The following CHST8 variants were observed in gnomAD, a reference collection of about 807,000 sequenced individuals.
The protein encoded by CHST8 is carbohydrate sulfotransferase 8.
CHST8 carries 10 observed loss-of-function variants against 15.0 expected under a neutral mutation model. The observed-to-expected ratio is 0.67, with a 90% confidence interval of 0.41 to 1.13. CHST8 has a LOEUF of 1.13. Among genes scored for constraint, CHST8 ranks in the 50% most tolerant of loss-of-function variants. CHST8 has a pLI of 0.00. For synonymous variants in CHST8, 259 were observed against 256.6 expected, an observed-to-expected ratio of 1.01 and a Z score of -0.09; for missense variants, 634 against 608.2, an observed-to-expected ratio of 1.04 and a Z score of -0.45.
At chr19:33,680,208 C>T (rs1972867285) in intron 2 of CHST8, among the ~76,000 whole-genome samples, 1 of 152,222 alleles carries the variant, frequency 6.6e-6, no homozygotes, top group Non-Finnish European at 1.5e-5. Context: ...TGTGTGAAAG[C>T]TAAATGGGAT....
rs147260941 is a variant in CHST8, at chr19:33,701,926, C to T, written c.130+12535C>T. Among the ~76,000 whole-genome samples, 993 of 152,258 alleles carry T rather than the reference C, an allele frequency of 6.5e-3. 8 individuals are homozygous for T. The highest frequency in any genetic ancestry group is 9.4e-3 in the Non-Finnish European group (638 of 68,012). ...TGCCTGATTCCAAAGCCTGTGCTCC[C>T]CCTTCTCTGTCCTTCTTTCCTTTTG... is the stretch of plus-strand genomic sequence containing the variant. On this transcript the variant is annotated intron_variant, in intron 3 of 4. Coordinates refer to ENST00000650847, the MANE Select transcript of CHST8 (RefSeq NM_001127895.2).
At chr19:33,639,038 G>A (rs548332952) in intron 1 of CHST8, among the ~76,000 whole-genome samples, 13 of 148,152 alleles carry the variant, frequency 8.8e-5, no homozygotes, top group South Asian at 2.2e-4. Context: ...TGGCTTGCAG[G>A]TGACAGGAGC....
chr19:33,722,085 AT>A (rs1169111804), intron 3 of CHST8, among the ~76,000 whole-genome samples: 1 of 148,436 alleles, frequency 6.7e-6, no homozygotes, highest in Non-Finnish European at 1.5e-5. Context: ...GGATGGATGG[AT>A]GGATGGATGG....
At chr19:33,641,250 C>T (rs1203318274) in intron 1 of CHST8, among the ~76,000 whole-genome samples, 2 of 152,220 alleles carry the variant, frequency 1.3e-5, no homozygotes, top group African/African-American at 4.8e-5. Flanking sequence ...AGGGACTTAC[C>T]TGTTCCTAAA....
Position 33,773,422 on chromosome 19 carries a change from A to C in CHST8, c.*359A>C. ...ACTCCCTTAGCCATTGCCTTGGACC[A>C]AACCACGTGGTTTGCAGCTTTTCTA... is the stretch of plus-strand genomic sequence containing the variant. On this transcript the variant is annotated 3_prime_UTR_variant, in exon 5 of 5. Coordinates refer to ENST00000650847, the MANE Select transcript of CHST8 (RefSeq NM_001127895.2). The C allele has an allele frequency of 3.9e-6, 1 of 256,766 alleles. No individual in the cohort carries two copies. Among genetic ancestry groups the C allele is most frequent in the Non-Finnish European group, 7.5e-6 (1 of 134,078 alleles). The allele number at this position is 256,766 out of a possible 1,614,324, so 15.9% of individuals were successfully genotyped here.
intron 3 of CHST8, among the ~76,000 whole-genome samples, chr19:33,706,759 G>A (rs1187679279): frequency 6.6e-6 from 1 of 152,222 alleles, no homozygotes; most frequent in Non-Finnish European, 1.5e-5. Context: ...CCAGCCAGAA[G>A]TAGCGGCAGT....
intron 2 of CHST8, among the ~76,000 whole-genome samples, chr19:33,686,934 T>A (rs1297220688): frequency 6.6e-6 from 1 of 152,236 alleles, no homozygotes; most frequent in African/African-American, 2.4e-5. Context: ...CCCATGACCG[T>A]GCAATAGCAG....
chr19:33,663,471 G>A (rs1381167458), intron 1 of CHST8, among the ~76,000 whole-genome samples: 2 of 152,116 alleles, frequency 1.3e-5, no homozygotes, highest in African/African-American at 2.4e-5. Context: ...GGGCCAAGGC[G>A]GGAGAATCAC....
chr19:33,661,867 CAAAAA>C lies in CHST8; in HGVS notation c.-163-5884_-163-5880del, dbSNP rs34236738. On this transcript the variant is annotated intron_variant, in intron 1 of 4. Coordinates refer to ENST00000650847, the MANE Select transcript of CHST8 (RefSeq NM_001127895.2). Reference sequence around the variant, plus strand: ...GCAACACAGGGAGATTTCATCTTTACAAAAAAAAAAAAAAAAAAAATAGGCGGGTA... The same window carrying C: ...GCAACACAGGGAGATTTCATCTTTACAAAAAAAAAAAAAAATAGGCGGGTA... Among the ~76,000 whole-genome samples the C allele has an allele frequency of 4.5e-3, 344 of 76,706 alleles. 1 individual carries two copies. Among genetic ancestry groups the C allele is most frequent in the Middle Eastern group, 0.022 (3 of 134 alleles). The allele number at this position is 76,706 out of a possible 152,430, so 50.3% of individuals were successfully genotyped here. A position where few individuals can be genotyped will look rare whatever the true frequency, so the allele number is the denominator to read the frequency against.
chr19:33,655,063 G>T (rs1420685654), intron 1 of CHST8, among the ~76,000 whole-genome samples: 1 of 152,156 alleles, frequency 6.6e-6, no homozygotes, highest in Non-Finnish European at 1.5e-5. Context: ...GTCTGACAGG[G>T]TCTGGCTCTG....
rs1009107994 is a variant in CHST8 at position 33,773,347 on chromosome 19, G to A, written c.*284G>A. On this transcript the variant is annotated 3_prime_UTR_variant, in exon 5 of 5. Coordinates refer to ENST00000650847, the MANE Select transcript of CHST8 (RefSeq NM_001127895.2). ...TCAGCCGACAGTTTTGATGAGCAGG[G>A]AAGTCTGAGGCCCAGAGGACGGGGG... 10 of 466,492 alleles carry A rather than the reference G, an allele frequency of 2.1e-5. No individual in the cohort carries two copies. The highest frequency in any genetic ancestry group is 2.0e-4 in the Admixed American group (5 of 25,460). 28.9% of individuals were successfully genotyped at this position (466,492 alleles called of 1,614,324 possible). A position where few individuals can be genotyped will look rare whatever the true frequency, so the allele number is the denominator to read the frequency against.
Position 33,771,989 on chromosome 19 carries a change from C to T in CHST8, c.201C>T (p.Asp67=). The T allele has an allele frequency of 6.3e-7, 1 of 1,585,062 alleles. No individual in the cohort carries two copies. The highest frequency in any genetic ancestry group is 8.6e-7 in the Non-Finnish European group (1 of 1,168,850). ...CACCAGGCGGCTCCCAGGATGGTGA[C>T]TTGAAGGAACCCACAGAGAGGGTCA... ...DLPPGGSQDG[D]LKEPTERVTR... Residue 67 remains aspartate, a synonymous_variant, in exon 5 of 5, where the codon GAC becomes GAT. Transcript: ENST00000650847.
chr19:33,765,810 C>G (rs1441970957), intron 3 of CHST8, among the ~76,000 whole-genome samples: 1 of 152,086 alleles, frequency 6.6e-6, no homozygotes, highest in Non-Finnish European at 1.5e-5. Flanking sequence ...ATCCACCTGC[C>G]GTAGCCTCCA....
At chr19:33,673,140 A>G (rs1002185405) in intron 2 of CHST8, among the ~76,000 whole-genome samples, 1 of 152,176 alleles carries the variant, frequency 6.6e-6, no homozygotes, top group Non-Finnish European at 1.5e-5. Flanking sequence ...GAGCTGGCCA[A>G]TGTCCGGGTG....
chr19:33,711,589 G>T (rs76126587), intron 3 of CHST8, among the ~76,000 whole-genome samples: 4 of 152,172 alleles, frequency 2.6e-5, no homozygotes. Context: ...GATACAAGAA[G>T]TAGTAGTAAG....
chr19:33,665,636 T>G (rs908938929), intron 1 of CHST8, among the ~76,000 whole-genome samples: 2 of 149,294 alleles, frequency 1.3e-5, no homozygotes, highest in African/African-American at 4.9e-5. Flanking sequence ...TCTTCAAAAC[T>G]GAAAAAAAAA....
Position 33,678,599 on chromosome 19 carries a change from AG to A in CHST8, c.-86-10575del, listed in dbSNP as rs113657289. Among the ~76,000 whole-genome samples the A allele has an allele frequency of 3.9e-5, 6 of 152,180 alleles. 1 individual carries two copies. The highest frequency in any genetic ancestry group is 1.2e-4 in the African/African-American group (5 of 41,536). On this transcript the variant is annotated intron_variant, in intron 2 of 4. Transcript: ENST00000650847. ...TCTACAAAAAATTAAACATTTAACC[AG>A]GCACTGTTAAATTGAGTAGTCCCAG... is the stretch of plus-strand genomic sequence containing the variant.
chr19:33,656,498 A>G (rs1208633236), intron 1 of CHST8, among the ~76,000 whole-genome samples: 1 of 152,184 alleles, frequency 6.6e-6, no homozygotes, highest in Non-Finnish European at 1.5e-5. Context: ...AATACATTGT[A>G]ACCTGGTATT....
intron 1 of CHST8, among the ~76,000 whole-genome samples, chr19:33,667,549 G>A (rs779444440): frequency 6.6e-6 from 1 of 152,120 alleles, no homozygotes; most frequent in Non-Finnish European, 1.5e-5. Flanking sequence ...AACAAACGGT[G>A]CCAAATTGTT....
Sources: gnomAD v4.1 joint callset for allele counts (sites outside exome capture counted in the v4.1 genomes callset) on GRCh38, gnomAD v4.1.1 for gene constraint, MANE v1.5 for transcripts, NCBI Gene and HGNC (gene_info 2026-07-23, HGNC 2026-07-21) for gene names.